RPS6KC1: variants seen among roughly 807,000 people sequenced by gnomAD.
RPS6KC1 encodes the protein inactive ribosomal protein S6 kinase delta-1.
RPS6KC1 carries 54 observed loss-of-function variants against 103.8 expected under a neutral mutation model. The observed-to-expected ratio is 0.52, with a 90% CI of 0.42 to 0.65. The LOEUF is 0.65. Among genes scored for constraint, RPS6KC1 ranks in the 30% least tolerant of loss-of-function variants. The probability of loss-of-function intolerance (pLI) is 0.00; values close to 1 mark genes in which losing one functional copy is unlikely to be tolerated. For missense variants in RPS6KC1, 1,151 were observed against 1,253.8 expected (o/e 0.92, Z 1.24); for synonymous variants, 439 against 438.7 (o/e 1.00, Z -0.01).
the RPS6KC1 span, among the ~76,000 whole-genome samples, chr1:213,352,205 T>A: frequency 6.6e-6 from 1 of 152,170 alleles, no homozygotes; most frequent in Non-Finnish European, 1.5e-5. Context: ...TAGTAAACAA[T>A]GTGTTCATTG....
chr1:213,673,639 G>T, the RPS6KC1 span, among the ~76,000 whole-genome samples: 2 of 150,024 alleles, frequency 1.3e-5, no homozygotes, highest in African/African-American at 5.1e-5. Context: ...CAAAGAGAGA[G>T]AAGTACTTTT....
At chr1:213,336,668 C>A in the RPS6KC1 span, among the ~76,000 whole-genome samples, 1 of 152,156 alleles carries the variant, frequency 6.6e-6, no homozygotes, top group East Asian at 1.9e-4. Flanking sequence ...AGATATTACT[C>A]TTATTCCCAT....
At chr1:213,493,686 T>G in the RPS6KC1 span, among the ~76,000 whole-genome samples, 110 of 152,334 alleles carry the variant, frequency 7.2e-4, no homozygotes, top group Middle Eastern at 0.02. Context: ...CTCCCCACAC[T>G]TCATCATTTT....
chr1:213,741,431 G>A, the RPS6KC1 span, among the ~76,000 whole-genome samples: 4 of 151,866 alleles, frequency 2.6e-5, no homozygotes, highest in Non-Finnish European at 4.4e-5. Context: ...TAAAGGCGCC[G>A]CTCCAGAATT....
the RPS6KC1 span, among the ~76,000 whole-genome samples, chr1:213,772,720 C>T: frequency 6.6e-6 from 1 of 152,152 alleles, no homozygotes; most frequent in African/African-American, 2.4e-5. Context: ...CAAGAAGGCT[C>T]TGTCTGGTGT....
chr1:213,110,465 C>T (rs770299962), intron 4 of RPS6KC1, among the ~76,000 whole-genome samples: 7 of 152,118 alleles, frequency 4.6e-5, no homozygotes, highest in South Asian at 2.1e-4. Context: ...AAGTGTGTGA[C>T]TGCTGATATC....
At chr1:213,254,511 G>T (rs1271557727) in intron 12 of RPS6KC1, among the ~76,000 whole-genome samples, 1 of 152,186 alleles carries the variant, frequency 6.6e-6, no homozygotes, top group African/African-American at 2.4e-5. Context: ...TTAGGTTAAT[G>T]GAGGGAGAAG....
At chr1:213,285,203 TCA>T in the RPS6KC1 span, among the ~76,000 whole-genome samples, 2 of 152,172 alleles carry the variant, frequency 1.3e-5, no homozygotes, top group African/African-American at 4.8e-5. Context: ...TGCTGTGTCC[TCA>T]CACAGGGGAG....
intron 12 of RPS6KC1, among the ~76,000 whole-genome samples, chr1:213,247,665 T>A (rs2094474509): frequency 6.6e-6 from 1 of 152,146 alleles, no homozygotes; most frequent in Non-Finnish European, 1.5e-5. Context: ...CCTCGGGAAA[T>A]TTATTTAAGA....
chr1:213,561,895 A>G, the RPS6KC1 span, among the ~76,000 whole-genome samples: 3 of 152,208 alleles, frequency 2.0e-5, no homozygotes, highest in Non-Finnish European at 2.9e-5. Flanking sequence ...TTTCCAGATT[A>G]AAGTACTTTT....
At chr1:213,222,637 A>T (rs1472109458) in intron 8 of RPS6KC1, among the ~76,000 whole-genome samples, 2 of 152,144 alleles carry the variant, frequency 1.3e-5, no homozygotes, top group African/African-American at 4.8e-5. Flanking sequence ...TTGATATTAA[A>T]GCCCACCGAG....
the RPS6KC1 span, among the ~76,000 whole-genome samples, chr1:213,735,085 G>A: frequency 1.2e-4 from 19 of 152,092 alleles, no homozygotes; most frequent in East Asian, 7.7e-4. Flanking sequence ...CACCACGCCC[G>A]GCTAATTTTT....
At position 213,229,316 on chromosome 1, in the gene RPS6KC1, C is replaced by G. The variant is rs560024562; in HGVS notation, c.1045-1181C>G. On this transcript the variant is annotated intron_variant, in intron 8 of 14. Transcript: ENST00000366960. Reference sequence around the variant, plus strand: ...CTTTTAAAAATTCTTCTATTTTTTTCAAGCTTAACATCTTTTTTTTTCATC... The same window carrying G: ...CTTTTAAAAATTCTTCTATTTTTTTGAAGCTTAACATCTTTTTTTTTCATC... Among the ~76,000 whole-genome samples the G allele has an allele frequency of 2.0e-5, 3 of 152,124 alleles. No homozygotes were observed. The East Asian group carries it at 5.8e-4, about 29-fold the overall frequency.
the RPS6KC1 span, among the ~76,000 whole-genome samples, chr1:213,808,299 T>A: frequency 6.6e-6 from 1 of 152,206 alleles, no homozygotes; most frequent in African/African-American, 2.4e-5. Flanking sequence ...GAACCACTGC[T>A]CTCTTCAAAG....
chr1:213,809,868 T>G, the RPS6KC1 span, among the ~76,000 whole-genome samples: 2 of 152,208 alleles, frequency 1.3e-5, no homozygotes, highest in Non-Finnish European at 2.9e-5. Context: ...CTAAACCAAT[T>G]GTGATTACCA....
At chr1:213,752,980 C>T in the RPS6KC1 span, among the ~76,000 whole-genome samples, 1 of 152,190 alleles carries the variant, frequency 6.6e-6, no homozygotes, top group Non-Finnish European at 1.5e-5. Flanking sequence ...ACTCCTAAAG[C>T]CTGCATCGTC....
chr1:213,158,674 T>C (rs1484115412), intron 6 of RPS6KC1, among the ~76,000 whole-genome samples: 1 of 152,214 alleles, frequency 6.6e-6, no homozygotes, highest in Non-Finnish European at 1.5e-5. Context: ...CAGTATTTTT[T>C]TTTAAACTTT....
chr1:213,159,435 G>A (rs755651646), intron 6 of RPS6KC1, among the ~76,000 whole-genome samples: 1 of 152,168 alleles, frequency 6.6e-6, no homozygotes, highest in East Asian at 1.9e-4. Flanking sequence ...CAGATTGTAT[G>A]AACAGTAAAC....
intron 12 of RPS6KC1, among the ~76,000 whole-genome samples, chr1:213,244,954 A>G (rs1487490045): frequency 1.3e-5 from 2 of 152,216 alleles, no homozygotes; most frequent in African/African-American, 4.8e-5. Flanking sequence ...TTTGTGAACA[A>G]TGTGGAAAGG....
Sources: gnomAD v4.1 joint callset for allele counts (sites outside exome capture counted in the v4.1 genomes callset) on GRCh38, gnomAD v4.1.1 for gene constraint, MANE v1.5 for transcripts, NCBI Gene and HGNC (gene_info 2026-07-23, HGNC 2026-07-21) for gene names.